Variants in SAMD12 observed in about 807,000 individuals in gnomAD.
The protein encoded by SAMD12 is sterile alpha motif domain-containing protein 12.
SAMD12 carries 9 observed loss-of-function variants against 15.0 expected under a neutral mutation model. The ratio of observed to expected loss-of-function variants is 0.60; its 90% CI spans 0.36 to 1.05. SAMD12 has a LOEUF of 1.05. SAMD12 is among the 50% of genes least tolerant of loss of function. SAMD12 has a pLI of 0.01. For synonymous variants in SAMD12, 86 were observed against 90.1 expected (o/e 0.96, Z 0.25); for missense variants, 230 against 234.2 (o/e 0.98, Z 0.12).
exon 5 of SAMD12, chr8:118,195,751 A>C (rs1819540726): frequency 6.6e-6 from 1 of 152,280 alleles, no homozygotes; most frequent in Non-Finnish European, 1.5e-5. Flanking sequence ...TGCTTTGTGG[A>C]CTGTTGTTGC....
intron 2 of SAMD12, among the ~76,000 whole-genome samples, chr8:118,473,720 C>T (rs534669086): frequency 7.9e-5 from 12 of 152,290 alleles, no homozygotes; most frequent in Non-Finnish European, 1.5e-4. Context: ...TCCATACATA[C>T]CATTTCCTCG....
intron 1 of SAMD12, among the ~76,000 whole-genome samples, chr8:118,590,901 T>A (rs1224835256): frequency 1.3e-5 from 2 of 151,948 alleles, no homozygotes; most frequent in Non-Finnish European, 1.5e-5. Flanking sequence ...ATGGAAAAAA[T>A]AAGCTTTTCC....
chr8:118,342,850 A>G (rs1817440746), intron 4 of SAMD12, among the ~76,000 whole-genome samples: 1 of 152,184 alleles, frequency 6.6e-6, no homozygotes, highest in African/African-American at 2.4e-5. Flanking sequence ...CAGGCTTTTG[A>G]CAGACAGAAA....
At chr8:118,240,006 ATAT>A (rs1812529307) in intron 4 of SAMD12, 2 of 152,124 alleles carry the variant, frequency 1.3e-5, no homozygotes, top group Admixed American at 1.3e-4. Context: ...TTCATTAATA[ATAT>A]TATCCAAAAT....
chr8:118,389,088 G>A (rs1457200274), intron 3 of SAMD12, among the ~76,000 whole-genome samples: 1 of 152,106 alleles, frequency 6.6e-6, no homozygotes, highest in African/African-American at 2.4e-5. Flanking sequence ...AGGGATTCTC[G>A]GTTAAGTCAC....
rs575471635 is a variant in SAMD12, at chr8:118,594,714, A to AT, written c.14-13822dup. On this transcript the variant is annotated intron_variant, in intron 1 of 3. Transcript: ENST00000314727. ...TTGGGTATTAGAATAAGACATCTGAATTTTTTTTTCACTAAGCAGGTGGAA... is the reference window on the plus strand; with the variant it reads ...TTGGGTATTAGAATAAGACATCTGAATTTTTTTTTTCACTAAGCAGGTGGAA... Among the ~76,000 whole-genome samples, 127 of 151,746 alleles carry AT rather than the reference A, an allele frequency of 8.4e-4. 3 individuals carry two copies. The highest frequency in any genetic ancestry group is 1.2e-3 in the Admixed American group (18 of 15,214).
intron 2 of SAMD12, among the ~76,000 whole-genome samples, chr8:118,460,984 C>T (rs1307738934): frequency 6.6e-6 from 1 of 152,216 alleles, no homozygotes; most frequent in African/African-American, 2.4e-5. Flanking sequence ...TCTGCCTTTG[C>T]ACATAATGGT....
At chr8:118,255,283 C>G (rs1242191589) in intron 4 of SAMD12, among the ~76,000 whole-genome samples, 1 of 152,066 alleles carries the variant, frequency 6.6e-6, no homozygotes, top group Non-Finnish European at 1.5e-5. Flanking sequence ...ACAAGAACAA[C>G]AACAACAACA....
chr8:118,400,410 T>C (rs1339901552), intron 3 of SAMD12: 1 of 152,198 alleles, frequency 6.6e-6, no homozygotes, highest in African/African-American at 2.4e-5. Flanking sequence ...ACACTGAACA[T>C]GATTTTAAGA....
intron 4 of SAMD12, among the ~76,000 whole-genome samples, chr8:118,262,169 G>A (rs1813096700): frequency 6.6e-6 from 1 of 151,944 alleles, no homozygotes; most frequent in Non-Finnish European, 1.5e-5. Flanking sequence ...CTCAAAGGGA[G>A]GCAGGTGAAT....
At chr8:118,578,096 T>G (rs1172416500) in intron 2 of SAMD12, among the ~76,000 whole-genome samples, 1 of 152,180 alleles carries the variant, frequency 6.6e-6, no homozygotes, top group African/African-American at 2.4e-5. Context: ...GAGACAGACA[T>G]TTTTACATAA....
At position 118,359,389 on chromosome 8, in the gene SAMD12, C is replaced by G. The variant is rs556722855; in HGVS notation, c.433+20171G>C. The stretch of plus-strand genomic sequence containing the variant: ...AATCAATTTCTGTTGTTTAAGCCAC[C>G]CAGTCTGCGGTAGTTTGCTATGGCA... On this transcript the variant is annotated intron_variant, in intron 4 of 4. Coordinates refer to the SAMD12 transcript ENST00000409003. Among the ~76,000 whole-genome samples the G allele has an allele frequency of 8.5e-5, 13 of 152,250 alleles. No homozygotes were observed. The South Asian group carries it at 2.7e-3, about 32-fold the overall frequency.
intron 1 of SAMD12, among the ~76,000 whole-genome samples, chr8:118,594,615 T>C (rs528065678): frequency 1.3e-5 from 2 of 152,166 alleles, no homozygotes; most frequent in East Asian, 1.9e-4. Context: ...AACGTTTACC[T>C]CCAAGCCAAG....
chr8:118,589,292 A>G (rs1438354311), intron 1 of SAMD12, among the ~76,000 whole-genome samples: 1 of 152,228 alleles, frequency 6.6e-6, no homozygotes, highest in Non-Finnish European at 1.5e-5. Flanking sequence ...GCACAGCCAG[A>G]CGTTCAAACC....
chr8:118,424,026 T>C (rs934318659), intron 3 of SAMD12, among the ~76,000 whole-genome samples: 2 of 152,310 alleles, frequency 1.3e-5, no homozygotes. Flanking sequence ...ATGCTAAGTA[T>C]ATGTTTAGGA....
chr8:118,396,772 C>T (rs938104665), intron 3 of SAMD12, among the ~76,000 whole-genome samples: 2 of 152,096 alleles, frequency 1.3e-5, no homozygotes, highest in Non-Finnish European at 2.9e-5. Context: ...AGTTGATAAC[C>T]GAGGTGATTT....
intron 4 of SAMD12, among the ~76,000 whole-genome samples, chr8:118,320,052 A>T (rs1816150545): frequency 6.6e-6 from 1 of 152,178 alleles, no homozygotes; most frequent in Non-Finnish European, 1.5e-5. Flanking sequence ...GAAACTGCAG[A>T]GTAGGTAAGG....
intron 4 of SAMD12, among the ~76,000 whole-genome samples, chr8:118,224,890 T>C (rs1036686333): frequency 1.3e-5 from 2 of 152,214 alleles, no homozygotes; most frequent in Non-Finnish European, 2.9e-5. Flanking sequence ...TTTAAGTCCT[T>C]TGATGTAACT....
the SAMD12 span, among the ~76,000 whole-genome samples, chr8:118,165,614 G>GTA: frequency 0.014 from 1,711 of 120,394 alleles, 21 homozygotes; most frequent in East Asian, 0.028. Flanking sequence ...ATATATATAT[G>GTA]TATATATATA....
Sources: gnomAD v4.1 joint callset for allele counts (sites outside exome capture counted in the v4.1 genomes callset) on GRCh38, gnomAD v4.1.1 for gene constraint, MANE v1.5 for transcripts, NCBI Gene and HGNC (gene_info 2026-07-23, HGNC 2026-07-21) for gene names.